Variants in AKNA observed in about 807,000 individuals in gnomAD.
AKNA encodes the protein AT-hook transcription factor.
A neutral mutation model predicts 138.8 loss-of-function variants in AKNA; 67 were observed. That is an observed-to-expected ratio of 0.48 (90% confidence interval 0.40 to 0.59). AKNA has a LOEUF of 0.59. Ranked by LOEUF, AKNA falls within the 20% of genes least tolerant of loss-of-function variation. The pLI, the probability that AKNA is intolerant of heterozygous loss-of-function variation, is 0.00. For missense variants in AKNA, 1,813 were observed against 1,880.4 expected, an observed-to-expected ratio of 0.96 and a Z score of 0.66; for synonymous variants, 737 against 754.4, an observed-to-expected ratio of 0.98 and a Z score of 0.38.
At chr9:114,353,271 T>C (rs949006998) in intron 14 of AKNA, among the ~76,000 whole-genome samples, 1 of 151,780 alleles carries the variant, frequency 6.6e-6, no homozygotes, top group Admixed American at 6.6e-5. Flanking sequence ...GTTTTTTTTT[T>C]TTATGTTTTT....
intron 15 of AKNA, chr9:114,348,776 C>T (rs1830887170): frequency 6.9e-6 from 3 of 437,452 alleles, no homozygotes; most frequent in South Asian, 1.6e-5. Context: ...CCCTCAACCA[C>T]GGAGCAGCGT....
chr9:114,376,602 T>G lies in AKNA; in HGVS notation c.1205A>C (p.Glu402Ala). 1 of 1,614,114 alleles carries G rather than the reference T, an allele frequency of 6.2e-7. No homozygotes were observed. The highest frequency in any genetic ancestry group is 8.5e-7 in the Non-Finnish European group (1 of 1,180,020). Residue 402 changes from glutamate to alanine, a missense_variant, in exon 3 of 22, where the codon GAG becomes GCG. Transcript: ENST00000374088. Reference protein sequence around the residue: ...ARPLIFKSPAEIVQEVLLSSG... With the variant: ...ARPLIFKSPAAIVQEVLLSSG... ...GCTCAACAGCACCTCCTGCACAATC[T>G]CAGCTGGAGACTTGAAGATGAGGGG...
chr9:114,378,905 T>C (rs1833434989), intron 2 of AKNA, among the ~76,000 whole-genome samples: 1 of 152,238 alleles, frequency 6.6e-6, no homozygotes, highest in Non-Finnish European at 1.5e-5. Flanking sequence ...GCATAGACTC[T>C]CTGTTCAGGC....
At chr9:114,388,893 G>C (rs1028298779), upstream of AKNA, among the ~76,000 whole-genome samples, 1 of 152,204 alleles carries the variant, frequency 6.6e-6, no homozygotes, top group African/African-American at 2.4e-5. Context: ...CCGTGTCCCA[G>C]GCCAGGTGGC....
At position 114,341,746 on chromosome 9, in the gene AKNA, C is replaced by A. The variant is rs763700932; in HGVS notation, c.3875-21G>T. The A allele has an allele frequency of 1.9e-6, 3 of 1,539,718 alleles. No individual in the cohort carries two copies. In the South Asian group the frequency reaches 3.9e-5, roughly 20 times the overall value. On this transcript the variant is annotated intron_variant, in intron 20 of 21. Transcript: ENST00000374088. Reference sequence around the variant, plus strand: ...TGCCCCTATCAGGGAGGGAACAGCACAGAGAGACAGAGTCTGACCACTTGG... The same window carrying A: ...TGCCCCTATCAGGGAGGGAACAGCAAAGAGAGACAGAGTCTGACCACTTGG...
At chr9:114,396,835 G>A (rs1322204137), upstream of AKNA, 1 of 152,192 alleles carries the variant, frequency 6.6e-6, no homozygotes, top group Non-Finnish European at 1.5e-5. Flanking sequence ...TTCCAGGACT[G>A]AGGAAACATA....
downstream of AKNA, chr9:114,332,008 C>T (rs534891466): frequency 4.8e-4 from 649 of 1,342,430 alleles, 3 homozygotes; most frequent in South Asian, 4.4e-3. Context: ...AGCAGGAAAG[C>T]TGCCAGGCAA....
Position 114,385,897 on chromosome 9 carries a change from C to G in AKNA, c.-114+1963G>C, listed in dbSNP as rs541785869. Among the ~76,000 whole-genome samples the G allele has an allele frequency of 3.3e-4, 51 of 152,364 alleles. 1 individual carries two copies. The highest frequency in any genetic ancestry group is 6.8e-3 in the Middle Eastern group (2 of 294). On this transcript the variant is annotated intron_variant, in intron 1 of 21. Coordinates refer to ENST00000374088, the MANE Select transcript of AKNA (RefSeq NM_001317950.2). ...CAGGCTGGGCATCAGGAGACAGGTGCTAGTCCTGGCTGCTGTTACTCACTG... is the reference window on the plus strand; with the variant it reads ...CAGGCTGGGCATCAGGAGACAGGTGGTAGTCCTGGCTGCTGTTACTCACTG...
chr9:114,348,518 C>A (rs758254492), intron 15 of AKNA, among the ~76,000 whole-genome samples: 14 of 152,214 alleles, frequency 9.2e-5, no homozygotes, highest in Admixed American at 2.6e-4. Context: ...CAGGGAGACA[C>A]CTCGATGCTT....
At chr9:114,392,705 C>A (rs1834391837), upstream of AKNA, among the ~76,000 whole-genome samples, 1 of 152,214 alleles carries the variant, frequency 6.6e-6, no homozygotes, top group South Asian at 2.1e-4. Flanking sequence ...TCCACAGCTT[C>A]CACAATATCA....
At position 114,335,762 on chromosome 9, in the gene AKNA, A is replaced by C. The variant is rs1829960575; in HGVS notation, c.*1292T>G. ...CCCCAGCCTGGGCAACCAGAGCAAA[A>C]CTCAGTCTCAAAAAAAAAAAAAAAA... On this transcript the variant is annotated 3_prime_UTR_variant, in exon 22 of 22. Transcript: ENST00000374088. 1 of 145,294 alleles carries C rather than the reference A, an allele frequency of 6.9e-6. No individual in the cohort carries two copies. The highest frequency in any genetic ancestry group is 2.7e-5 in the African/African-American group (1 of 37,688). The allele number at this position is 145,294 out of a possible 1,614,324, so 9.0% of individuals were successfully genotyped here.
At chr9:114,384,207 C>T (rs183999189) in intron 1 of AKNA, among the ~76,000 whole-genome samples, 54 of 152,174 alleles carry the variant, frequency 3.5e-4, no homozygotes, top group Non-Finnish European at 6.3e-4. Flanking sequence ...TATATTTGCT[C>T]GAACACATCA....
chr9:114,372,427 T>C (rs1832840775), intron 4 of AKNA, among the ~76,000 whole-genome samples: 2 of 152,180 alleles, frequency 1.3e-5, no homozygotes, highest in South Asian at 4.1e-4. Flanking sequence ...CCTGTCACTG[T>C]GGCTGGCACA....
At chr9:114,351,649 CA>C (rs35449353) in intron 14 of AKNA, among the ~76,000 whole-genome samples, 63,236 of 136,638 alleles carry the variant, frequency 0.46, 14,587 homozygotes, top group Middle Eastern at 0.59. Flanking sequence ...CCCATCTTTG[CA>C]AAAAAAAAAA....
At chr9:114,337,406 G>C in intron 21 of AKNA, 100 bp from the exon 22 acceptor site, 1 of 1,251,988 alleles carries the variant, frequency 8.0e-7, no homozygotes, top group Non-Finnish European at 1.0e-6. Context: ...ATCCCAGCTG[G>C]GCCAGTGGCT....
intron 1 of AKNA, among the ~76,000 whole-genome samples, chr9:114,383,887 G>A (rs537904881): frequency 1.7e-3 from 263 of 152,144 alleles, no homozygotes; most frequent in Middle Eastern, 3.4e-3. Flanking sequence ...ATGGGTGTTC[G>A]GGGCTTCTAT....
intron 14 of AKNA, among the ~76,000 whole-genome samples, chr9:114,353,050 C>T (rs768893852): frequency 2.6e-5 from 4 of 152,170 alleles, no homozygotes; most frequent in Non-Finnish European, 5.9e-5. Context: ...TCAGATCATA[C>T]TGAGTTTCTT....
chr9:114,391,785 C>T (rs910619067), upstream of AKNA, among the ~76,000 whole-genome samples: 14 of 132,110 alleles, frequency 1.1e-4, no homozygotes, highest in African/African-American at 2.0e-4. Flanking sequence ...ACCTGGGAGG[C>T]GGAGGTTGCA....
rs1381136565 is a variant in AKNA, at chr9:114,383,641, G to A, written c.-113-2195C>T. 2.0e-5 allele frequency among the ~76,000 whole-genome samples: 3 copies of A among 152,196 alleles called. No individual in the cohort carries two copies. In the South Asian group the frequency reaches 6.2e-4, roughly 31 times the overall value. On this transcript the variant is annotated intron_variant, in intron 1 of 21. Transcript: ENST00000374088. ...TTCTCCCCTGCATGCTGTGTTGAAG[G>A]CAGTATGACTCCAGGCCTCCCAGGA...
Sources: gnomAD v4.1 joint callset for allele counts (sites outside exome capture counted in the v4.1 genomes callset) on GRCh38, gnomAD v4.1.1 for gene constraint, MANE v1.5 for transcripts, NCBI Gene and HGNC (gene_info 2026-07-23, HGNC 2026-07-21) for gene names.